NDRG1: variants seen among roughly 807,000 people sequenced by gnomAD.
NDRG1 encodes the protein N-myc downstream regulated 1.
NDRG1 carries 32 observed loss-of-function variants against 56.9 expected under a neutral mutation model. The ratio of observed to expected loss-of-function variants is 0.56; its 90% confidence interval spans 0.42 to 0.76. NDRG1 has a LOEUF of 0.76. Among genes scored for constraint, NDRG1 ranks in the 30% least tolerant of loss-of-function variants. The pLI is 0.00. For missense variants in NDRG1, 507 were observed against 545.7 expected (o/e 0.93, Z 0.71); for synonymous variants, 211 against 204.1 (o/e 1.03, Z -0.29).
intron 2 of NDRG1, among the ~76,000 whole-genome samples, chr8:133,282,812 C>T (rs938053533): frequency 3.3e-5 from 5 of 152,286 alleles, no homozygotes; most frequent in African/African-American, 1.2e-4. Context: ...TACTATTTGA[C>T]CCTTTGCAGA....
In NDRG1 at chr8:133,259,155, C is replaced by G. The variant is rs537705365; in HGVS notation, c.389+13G>C. On this transcript the variant is annotated intron_variant, in intron 6 of 15. Coordinates refer to ENST00000323851, the MANE Select transcript of NDRG1 (RefSeq NM_006096.4). Reference sequence around the variant, plus strand: ...CTCTGCAGACAGAGAAGGAGCTGATCCTTCGCTCTTACCCAAACTGTTGAA... The same window carrying G: ...CTCTGCAGACAGAGAAGGAGCTGATGCTTCGCTCTTACCCAAACTGTTGAA... 4.5e-5 allele frequency: 72 copies of G among 1,613,616 alleles called. No homozygotes were observed. The South Asian group carries it at 6.5e-4, about 15-fold the overall frequency.
At chr8:133,276,565 A>C (rs182867917) in intron 3 of NDRG1, among the ~76,000 whole-genome samples, 2 of 152,290 alleles carry the variant, frequency 1.3e-5, no homozygotes, top group African/African-American at 4.8e-5. Context: ...GTGATAGTGA[A>C]TGAGTCTCAA....
In NDRG1 at chr8:133,238,646, G is replaced by C. The variant is rs1262302499; in HGVS notation, c.*232C>G. 1.7e-6 allele frequency: 1 copy of C among 592,732 alleles called. No homozygotes were observed. Among genetic ancestry groups the C allele is most frequent in the Non-Finnish European group, 3.0e-6 (1 of 337,594 alleles). The allele number at this position is 592,732 out of a possible 1,614,324, so 36.7% of individuals were successfully genotyped here. A position where few individuals can be genotyped will look rare whatever the true frequency, so the allele number is the denominator to read the frequency against. ...AACCGGCCACTGGTTAATGGAAGAG[G>C]ATGCGATGCGGAGATGCTTGCTTCC... On this transcript the variant is annotated 3_prime_UTR_variant, in exon 16 of 16. Transcript: ENST00000323851.
At chr8:133,244,540 G>A (rs922961946) in intron 13 of NDRG1, 150 bp from the exon 14 acceptor site, 24 of 877,776 alleles carry the variant, frequency 2.7e-5, no homozygotes, top group Non-Finnish European at 4.1e-5. Flanking sequence ...ACCGTGGGTA[G>A]GGAACACTCC....
In NDRG1 at chr8:133,262,019, A is replaced by G. The variant is rs200623517; in HGVS notation, c.326+28T>C. 1,396 of 1,593,256 alleles carry G rather than the reference A, an allele frequency of 8.8e-4. 8 individuals carry two copies. The highest frequency in any genetic ancestry group is 2.1e-4 in the Non-Finnish European group (241 of 1,170,256). ...CCCCGACACCCAGTTTCCACCCTGT[A>G]GAGCTCATAGGGCAAGAGGCCTCTC... On this transcript the variant is annotated intron_variant, in intron 5 of 15. Coordinates refer to ENST00000323851, the MANE Select transcript of NDRG1 (RefSeq NM_006096.4).
At chr8:133,239,174 C>T in intron 15 of NDRG1, 55 bp from the exon 16 acceptor site, 1 of 1,547,596 alleles carries the variant, frequency 6.5e-7, no homozygotes, top group East Asian at 2.4e-5. Context: ...GGTGAGGAGC[C>T]AGGCATGCCC....
At chr8:133,267,466 C>T (rs541884064) in intron 3 of NDRG1, among the ~76,000 whole-genome samples, 1 of 152,304 alleles carries the variant, frequency 6.6e-6, no homozygotes, top group African/African-American at 2.4e-5. Flanking sequence ...AGAGCTCAGC[C>T]CCATCTCCCT....
In NDRG1 at chr8:133,243,978, A is replaced by G. The variant is rs56181365; in HGVS notation, c.891+377T>C. Among the ~76,000 whole-genome samples the G allele has an allele frequency of 9.1e-3, 1,379 of 152,224 alleles. 8 individuals are homozygous for G. The highest frequency in any genetic ancestry group is 0.015 in the Non-Finnish European group (1,004 of 67,996). ...GACGTGTACACATGCACACACAGAA[A>G]CATGCATGCACACACACACAATTTG... On this transcript the variant is annotated intron_variant, in intron 14 of 15. Transcript: ENST00000323851.
intron 3 of NDRG1, among the ~76,000 whole-genome samples, chr8:133,269,110 G>T (rs1378804766): frequency 6.6e-6 from 1 of 152,196 alleles, no homozygotes; most frequent in East Asian, 1.9e-4. Flanking sequence ...TTCCCAAAGA[G>T]AAAGCACAAG....
intron 1 of NDRG1, chr8:133,296,824 G>A (rs1356668765): frequency 8.2e-6 from 2 of 243,480 alleles, no homozygotes; most frequent in Non-Finnish European, 1.7e-5. Flanking sequence ...ACGCTATCCT[G>A]GTATTTTTTC....
chr8:133,237,763 A>C lies in NDRG1; in HGVS notation c.*1115T>G, dbSNP rs1366926414. ...GTGACCGGGTCAGACAGGTTCAGCT[A>C]CTGAGTTCACGTTCCAGCCCAGCTG... is the stretch of plus-strand genomic sequence containing the variant. On this transcript the variant is annotated 3_prime_UTR_variant, in exon 16 of 16. Coordinates refer to ENST00000323851, the MANE Select transcript of NDRG1 (RefSeq NM_006096.4). 1 of 229,522 alleles carries C rather than the reference A, an allele frequency of 4.4e-6. No individual in the cohort carries two copies. The highest frequency in any genetic ancestry group is 5.9e-5 in the Admixed American group (1 of 17,014). 14.2% of individuals were successfully genotyped at this position (229,522 alleles called of 1,614,324 possible).
At position 133,258,368 on chromosome 8, in the gene NDRG1, C is replaced by A. The variant is rs150796527; in HGVS notation, c.448G>T (p.Ala150Ser). 247 of 1,611,178 alleles carry A rather than the reference C, an allele frequency of 1.5e-4. No individual in the cohort carries two copies. In the African/African-American group the frequency reaches 3.0e-3, roughly 20 times the overall value. Reference protein sequence around the residue: ...GAGAYILTRFALNNPEMVEGL... With the variant: ...GAGAYILTRFSLNNPEMVEGL... ...TCAAAAAATGCCAAAGCACTCACAG[C>A]AAATCGAGTTAGGATGTAGGCGCCT... The change falls in exon 7 of 16, where the codon GCT (alanine) becomes TCT (serine). Residue 150 changes from alanine (A) to serine (S), a missense_variant and splice_region_variant. Coordinates refer to ENST00000323851, the MANE Select transcript of NDRG1 (RefSeq NM_006096.4).
At chr8:133,285,940 C>T (rs1174235020) in intron 1 of NDRG1, among the ~76,000 whole-genome samples, 1 of 152,208 alleles carries the variant, frequency 6.6e-6, no homozygotes, top group Non-Finnish European at 1.5e-5. Context: ...GCCTAGGGAG[C>T]CTTCCAGAAA....
intron 3 of NDRG1, among the ~76,000 whole-genome samples, chr8:133,272,338 G>A (rs1857234573): frequency 6.6e-6 from 1 of 152,224 alleles, no homozygotes; most frequent in African/African-American, 2.4e-5. Flanking sequence ...CCATGGAGCA[G>A]GGGAGGGCGA....
intron 3 of NDRG1, among the ~76,000 whole-genome samples, chr8:133,273,748 A>G (rs959338039): frequency 1.4e-4 from 21 of 152,254 alleles, no homozygotes; most frequent in African/African-American, 5.1e-4. Flanking sequence ...TCACCTTAGC[A>G]GGGAAGCCCT....
intron 13 of NDRG1, 92 bp from the exon 14 acceptor site, chr8:133,244,482 G>GCTGCC: frequency 6.9e-7 from 1 of 1,445,252 alleles, no homozygotes; most frequent in Non-Finnish European, 9.6e-7. Flanking sequence ...CCATCCGCCC[G>GCTGCC]CTGCCCTGCC....
intron 1 of NDRG1, among the ~76,000 whole-genome samples, chr8:133,289,465 A>G (rs1300852337): frequency 6.6e-6 from 1 of 152,172 alleles, no homozygotes; most frequent in Non-Finnish European, 1.5e-5. Context: ...AGCAAATGCC[A>G]CCAAGGTTTC....
Position 133,238,783 on chromosome 8 carries a change from T to C in NDRG1, c.*95A>G. The C allele has an allele frequency of 7.3e-7, 1 of 1,364,362 alleles. No individual in the cohort carries two copies. The highest frequency in any genetic ancestry group is 1.4e-5 in the South Asian group (1 of 73,478). 84.5% of individuals were successfully genotyped at this position (1,364,362 alleles called of 1,614,324 possible). A position where few individuals can be genotyped will look rare whatever the true frequency, so the allele number is the denominator to read the frequency against. On this transcript the variant is annotated 3_prime_UTR_variant, in exon 16 of 16. Transcript: ENST00000323851. ...AATAAGCTTTGGATTAATACCGAGT[T>C]AGGCGCAGTATGGCAGGCAGGGGGC...
intron 1 of NDRG1, among the ~76,000 whole-genome samples, chr8:133,287,441 C>T (rs992417708): frequency 1.3e-5 from 2 of 152,252 alleles, no homozygotes; most frequent in African/African-American, 4.8e-5. Context: ...GGTGATGAGA[C>T]TGGCTATGGG....
Sources: gnomAD v4.1 joint callset for allele counts (sites outside exome capture counted in the v4.1 genomes callset) on GRCh38, gnomAD v4.1.1 for gene constraint, MANE v1.5 for transcripts, NCBI Gene and HGNC (gene_info 2026-07-23, HGNC 2026-07-21) for gene names.